The following GSE1 variants were observed in gnomAD, a reference collection of about 807,000 sequenced individuals.
GSE1 encodes genetic suppressor element 1.
GSE1 carries 32 observed loss-of-function variants against 112.6 expected under a neutral mutation model. The ratio of observed to expected loss-of-function variants is 0.28; its 90% CI spans 0.21 to 0.38. GSE1 has a LOEUF of 0.38. Ranked by LOEUF, GSE1 falls within the 10% of genes least tolerant of loss-of-function variation. The probability of loss-of-function intolerance (pLI) is 1.00; values close to 1 mark genes in which losing one functional copy is unlikely to be tolerated. For synonymous variants in GSE1, 1,115 were observed against 735.6 expected, an observed-to-expected ratio of 1.52 and a Z score of -8.35; for missense variants, 2,348 against 1,699.2, an observed-to-expected ratio of 1.38 and a Z score of -6.71.
chr16:85,552,820 C>G (rs552528295), upstream of GSE1, among the ~76,000 whole-genome samples: 2 of 152,366 alleles, frequency 1.3e-5, no homozygotes, highest in Non-Finnish European at 2.9e-5. Context: ...GCACCCCTCC[C>G]TCTGTACCAT....
At chr16:85,281,835 T>A (rs2044866865) in intron 1 of GSE1, among the ~76,000 whole-genome samples, 2 of 152,078 alleles carry the variant, frequency 1.3e-5, no homozygotes, top group Admixed American at 1.3e-4. Context: ...TCAGGAGCTC[T>A]GGAAGCAAAG....
rs376231436 is a variant in GSE1, at chr16:85,668,336, T to G, written c.3327T>G (p.Asp1109Glu). The change falls in exon 14 of 16, where the codon GAT becomes GAG. Residue 1109 changes from aspartate (D) to glutamate (E), a missense_variant. Transcript: ENST00000253458. The stretch of plus-strand genomic sequence containing the variant: ...CGGAGGAGGAGGAAGAGGAGGATGA[T>G]GAAGATGGAGAAGATGAGGAGGAAG... ...RDSEEEEEEDDEDGEDEEEVP... is the reference protein window; with the variant it reads ...RDSEEEEEEDEEDGEDEEEVP... 64 of 1,612,440 alleles carry G rather than the reference T, an allele frequency of 4.0e-5. No individual in the cohort carries two copies. The highest frequency in any genetic ancestry group is 5.0e-5 in the Non-Finnish European group (59 of 1,179,266).
chr16:85,443,455 C>T (rs1304982609), intron 2 of GSE1, among the ~76,000 whole-genome samples: 1 of 152,248 alleles, frequency 6.6e-6, no homozygotes, highest in East Asian at 1.9e-4. Flanking sequence ...CCTTCCTCCT[C>T]ATGTTACTGA....
chr16:85,458,134 C>G (rs891586615), intron 2 of GSE1, among the ~76,000 whole-genome samples: 17 of 152,200 alleles, frequency 1.1e-4, no homozygotes, highest in African/African-American at 3.9e-4. Context: ...CTCTGCAGCA[C>G]CAGCCGGCAC....
upstream of GSE1, among the ~76,000 whole-genome samples, chr16:85,607,301 T>C (rs931113068): frequency 6.6e-6 from 1 of 152,124 alleles, no homozygotes; most frequent in Non-Finnish European, 1.5e-5. Context: ...GGTATTCTTT[T>C]CTGATTTAGA....
At chr16:85,636,864 G>C (rs947132976) in intron 2 of GSE1, among the ~76,000 whole-genome samples, 2 of 152,198 alleles carry the variant, frequency 1.3e-5, no homozygotes, top group African/African-American at 4.8e-5. Context: ...CTGCCTCCCT[G>C]TGGGTTGTGG....
At chr16:85,364,953 G>C (rs960422004) in intron 2 of GSE1, among the ~76,000 whole-genome samples, 3 of 152,238 alleles carry the variant, frequency 2.0e-5, no homozygotes, top group African/African-American at 7.2e-5. Flanking sequence ...CCTGGGTCCT[G>C]TGTACTGTGG....
At chr16:85,512,187 G>T (rs148055378) in intron 2 of GSE1, among the ~76,000 whole-genome samples, 1,914 of 152,300 alleles carry the variant, frequency 0.013, 24 homozygotes, top group South Asian at 0.079. Context: ...TGAGGCAGGG[G>T]TGTGGCCCTG....
intron 2 of GSE1, among the ~76,000 whole-genome samples, chr16:85,383,035 C>G (rs575036242): frequency 2.9e-4 from 44 of 151,618 alleles, no homozygotes; most frequent in African/African-American, 9.5e-4. Flanking sequence ...CACATGCACA[C>G]ACACACCGTG....
chr16:85,487,423 C>G (rs11864862), intron 2 of GSE1, among the ~76,000 whole-genome samples: 1 of 152,120 alleles, frequency 6.6e-6, no homozygotes, highest in Admixed American at 6.6e-5. Flanking sequence ...TGAGAACCCT[C>G]GCATGGTCTA....
At chr16:85,605,769 A>G (rs572287708) in intron 1 of GSE1, among the ~76,000 whole-genome samples, 2 of 151,978 alleles carry the variant, frequency 1.3e-5, no homozygotes, top group Non-Finnish European at 2.9e-5. Context: ...TTTAGAGGTA[A>G]GTGGTAGAGA....
chr16:85,326,889 C>T (rs1009089324), intron 1 of GSE1, among the ~76,000 whole-genome samples: 3 of 152,228 alleles, frequency 2.0e-5, no homozygotes, highest in Non-Finnish European at 4.4e-5. Flanking sequence ...TTGTCTATTA[C>T]CCGGTGACAA....
intron 1 of GSE1, among the ~76,000 whole-genome samples, chr16:85,633,033 T>C (rs2049679176): frequency 8.8e-6 from 1 of 113,774 alleles, no homozygotes; most frequent in African/African-American, 3.1e-5. Flanking sequence ...GCCGCCGCTG[T>C]CACCACTGGC....
rs114858272 is a variant in GSE1, at chr16:85,471,919, G to T, written c.2464+114276G>T. On this transcript the variant is annotated intron_variant, in intron 2 of 2. Coordinates refer to the GSE1 transcript ENST00000637419. ...TGCCCACTTGTGGCTGGCACCTGTG[G>T]TGGCCCCTCATGGGGGAAATCTGAT... Among the ~76,000 whole-genome samples the T allele has an allele frequency of 5.8e-3, 878 of 152,346 alleles. 11 individuals carry two copies. Among genetic ancestry groups the T allele is most frequent in the African/African-American group, 0.02 (823 of 41,582 alleles).
At chr16:85,216,428 C>T (rs557688613) in intron 1 of GSE1, among the ~76,000 whole-genome samples, 2 of 152,292 alleles carry the variant, frequency 1.3e-5, no homozygotes, top group South Asian at 4.1e-4. Context: ...ACTGTTATTA[C>T]CAGCTCTCTC....
At chr16:85,449,246 GCAC>G (rs1472105133) in intron 2 of GSE1, among the ~76,000 whole-genome samples, 1 of 152,216 alleles carries the variant, frequency 6.6e-6, no homozygotes, top group Non-Finnish European at 1.5e-5. Flanking sequence ...GCCCCACCGC[GCAC>G]CACATCTGAG....
intron 1 of GSE1, among the ~76,000 whole-genome samples, chr16:85,631,126 G>T (rs928968752): frequency 1.3e-5 from 2 of 152,218 alleles, no homozygotes; most frequent in African/African-American, 2.4e-5. Context: ...ATTGATGTCC[G>T]TGTGGGTCCC....
chr16:85,571,490 C>T (rs1016513545), intron 1 of GSE1, among the ~76,000 whole-genome samples: 9 of 152,216 alleles, frequency 5.9e-5, no homozygotes, highest in Non-Finnish European at 1.3e-4. Context: ...TCCACCGGAC[C>T]GTGCCAGTCC....
chr16:85,181,804 G>C (rs58211683), intron 1 of GSE1, among the ~76,000 whole-genome samples: 18,348 of 152,262 alleles, frequency 0.12, 1,365 homozygotes, highest in Middle Eastern at 0.24. Context: ...AGCAAAGGGA[G>C]GCCAGGAGGC....
Sources: allele counts gnomAD v4.1 joint callset (sites outside exome capture counted in the v4.1 genomes callset), GRCh38; gene constraint gnomAD v4.1.1; transcripts MANE v1.5; gene names NCBI Gene and HGNC (gene_info 2026-07-23, HGNC 2026-07-21).